Variants in LAMA2 observed in about 807,000 individuals in gnomAD.
The protein encoded by LAMA2 is laminin subunit alpha 2.
LAMA2 carries 269 observed loss-of-function variants against 364.8 expected under a neutral mutation model. That is an observed-to-expected ratio of 0.74 (90% CI 0.67 to 0.82). LAMA2 has a LOEUF of 0.82. Ranked by LOEUF, LAMA2 falls within the 40% of genes least tolerant of loss-of-function variation. The pLI is 0.00. For missense variants in LAMA2, 3,807 were observed against 3,873.2 expected (o/e 0.98, Z 0.45); for synonymous variants, 1,379 against 1,370.6 (o/e 1.01, Z -0.14).
At position 129,172,648 on chromosome 6, in the gene LAMA2, G is replaced by C. The variant is rs568334668; in HGVS notation, c.1307-5058G>C. 6.8e-3 allele frequency among the ~76,000 whole-genome samples: 1,034 copies of C among 152,370 alleles called. 8 individuals carry two copies. The highest frequency in any genetic ancestry group is 0.024 in the African/African-American group (993 of 41,602). On this transcript the variant is annotated intron_variant, in intron 9 of 64. Coordinates refer to ENST00000421865, the MANE Select transcript of LAMA2 (RefSeq NM_000426.4). ...TTTGTTTGTCTGTGCCCTGCCCCCAGAGGTGGAGCCTACAGAGGCAGGCAG... is the reference window on the plus strand; with the variant it reads ...TTTGTTTGTCTGTGCCCTGCCCCCACAGGTGGAGCCTACAGAGGCAGGCAG...
chr6:129,449,943 C>T (rs1310893034), intron 45 of LAMA2, among the ~76,000 whole-genome samples: 2 of 151,822 alleles, frequency 1.3e-5, no homozygotes, highest in African/African-American at 4.8e-5. Flanking sequence ...GCTGGGACTA[C>T]AGGCACATGT....
intron 9 of LAMA2, among the ~76,000 whole-genome samples, chr6:129,171,862 C>A (rs1287653508): frequency 9.6e-6 from 1 of 104,108 alleles, no homozygotes; most frequent in South Asian, 4.0e-4. Flanking sequence ...TTCTTGGAGG[C>A]TTTGCTCATT....
intron 40 of LAMA2, among the ~76,000 whole-genome samples, chr6:129,405,152 T>G (rs140290219): frequency 1.7e-3 from 261 of 152,250 alleles, no homozygotes; most frequent in African/African-American, 5.9e-3. Context: ...AATTTCAAGT[T>G]CACCATTTTC....
chr6:129,423,011 C>T (rs889571755), intron 40 of LAMA2, among the ~76,000 whole-genome samples: 7 of 151,838 alleles, frequency 4.6e-5, no homozygotes, highest in African/African-American at 1.7e-4. Flanking sequence ...GATATTAATG[C>T]CAGGATGTAA....
At chr6:129,329,565 T>C (rs1583506946) in intron 29 of LAMA2, among the ~76,000 whole-genome samples, 1 of 152,092 alleles carries the variant, frequency 6.6e-6, no homozygotes, top group Admixed American at 6.5e-5. Flanking sequence ...TTTCACCATG[T>C]TGTCTAGGCT....
chr6:129,239,495 C>A (rs1053687203), intron 12 of LAMA2, among the ~76,000 whole-genome samples: 2 of 152,134 alleles, frequency 1.3e-5, no homozygotes, highest in Admixed American at 1.3e-4. Flanking sequence ...ATTTAAATAA[C>A]CCACTGTTAA....
Position 129,154,678 on chromosome 6 carries a change from A to G in LAMA2, c.1201A>G (p.Lys401Glu). The G allele has an allele frequency of 6.2e-7, 1 of 1,613,074 alleles. No homozygotes were observed. Among genetic ancestry groups the G allele is most frequent in the Non-Finnish European group, 8.5e-7 (1 of 1,179,128 alleles). Residue 401 changes from lysine (K) to glutamate (E), a missense_variant, in exon 8 of 65, where the codon AAA (lysine) becomes GAA (glutamate). By Grantham distance (56) the Lys-to-Glu change is moderately conservative. Transcript: ENST00000421865. ...ETCTDGFFRP[K>E]GVSPNYPRPC... ...ATGTACTGATGGCTTCTTCAGACCC[A>G]AAGGGGTAAAGTATGCTTTTTCTTT...
chr6:129,370,939 C>G (rs1778038040), intron 34 of LAMA2, among the ~76,000 whole-genome samples: 1 of 152,138 alleles, frequency 6.6e-6, no homozygotes. Context: ...AACAACGGCC[C>G]TGATGTTACA....
intron 58 of LAMA2, among the ~76,000 whole-genome samples, chr6:129,492,827 G>A (rs1266316996): frequency 6.6e-6 from 1 of 152,166 alleles, no homozygotes; most frequent in African/African-American, 2.4e-5. Context: ...ACAATTTGGT[G>A]TCCTGTTTTT....
Position 129,402,458 on chromosome 6 carries a change from G to C in LAMA2, c.5697G>C (p.Gln1899His), listed in dbSNP as rs748011930. The C allele has an allele frequency of 8.1e-6, 13 of 1,614,050 alleles. No individual in the cohort carries two copies. Among genetic ancestry groups the C allele is most frequent in the Non-Finnish European group, 1.0e-5 (12 of 1,180,032 alleles). ...KVSQAESHAA[Q>H]LNDSSAVLDG... ...CCCAGGCTGAGAGCCACGCAGCTCA[G>C]TTGAATGACTCATCTGCTGTCCTTG... The change falls in exon 39 of 65, where the codon CAG becomes CAC. Residue 1899 changes from glutamine (Q) to histidine (H), a missense_variant. Physicochemically the swap from Gln to His is conservative, Grantham distance 24 (BLOSUM62 0). Transcript: ENST00000421865.
intron 1 of LAMA2, among the ~76,000 whole-genome samples, chr6:129,007,816 C>T (rs926369950): frequency 1.3e-5 from 2 of 152,110 alleles, no homozygotes; most frequent in African/African-American, 4.8e-5. Context: ...AATACAGGAA[C>T]ACACTGTATT....
intron 1 of LAMA2, among the ~76,000 whole-genome samples, chr6:128,953,542 A>AAAACAC (rs1173230302): frequency 6.6e-6 from 1 of 151,652 alleles, no homozygotes; most frequent in Non-Finnish European, 1.5e-5. Context: ...AACAAAAACA[A>AAAACAC]AACCTATGTC....
At chr6:129,371,174 T>A (rs1729891087) in intron 34 of LAMA2, among the ~76,000 whole-genome samples, 1 of 152,068 alleles carries the variant, frequency 6.6e-6, no homozygotes, top group African/African-American at 2.4e-5. Context: ...GTTCATAACA[T>A]ACAAAGCCTA....
Position 128,951,086 on chromosome 6 carries a change from A to G in LAMA2, c.112+67729A>G, listed in dbSNP as rs1285502210. Among the ~76,000 whole-genome samples, 5 of 152,114 alleles carry G rather than the reference A, an allele frequency of 3.3e-5. No individual in the cohort carries two copies. The South Asian group carries it at 1.0e-3, about 32-fold the overall frequency. On this transcript the variant is annotated intron_variant, in intron 1 of 64. Transcript: ENST00000421865. ...GAGTCAGCAAATTCTTTCAACAATA[A>G]TGTGATTGTATTTGTCTGTGTGAGA... is the stretch of plus-strand genomic sequence containing the variant.
chr6:129,028,818 T>C (rs559151487), intron 1 of LAMA2, among the ~76,000 whole-genome samples: 38 of 152,020 alleles, frequency 2.5e-4, no homozygotes, highest in African/African-American at 9.1e-4. Context: ...AACCCTTTAT[T>C]ATTTTAATAT....
intron 1 of LAMA2, among the ~76,000 whole-genome samples, chr6:128,910,972 C>A (rs1201665645): frequency 6.6e-6 from 1 of 151,226 alleles, no homozygotes; most frequent in Non-Finnish European, 1.5e-5. Flanking sequence ...CAGGGACCCA[C>A]TTGAGGAGGC....
chr6:129,014,566 C>T (rs1784964020), intron 1 of LAMA2, among the ~76,000 whole-genome samples: 1 of 152,120 alleles, frequency 6.6e-6, no homozygotes, highest in Non-Finnish European at 1.5e-5. Flanking sequence ...CCCCTAGTTA[C>T]ATTTTCTGTG....
chr6:129,510,027 T>A (rs1385194317), intron 62 of LAMA2, among the ~76,000 whole-genome samples: 1 of 152,080 alleles, frequency 6.6e-6, no homozygotes, highest in African/African-American at 2.4e-5. Flanking sequence ...CATTGTTTTA[T>A]AGTTTTTATT....
At chr6:129,450,903 T>C (rs1782644101) in intron 45 of LAMA2, among the ~76,000 whole-genome samples, 1 of 152,210 alleles carries the variant, frequency 6.6e-6, no homozygotes, top group African/African-American at 2.4e-5. Flanking sequence ...CCTCAGATAT[T>C]AAATTTTCTC....
Sources: gnomAD v4.1 joint callset for allele counts (sites outside exome capture counted in the v4.1 genomes callset) on GRCh38, gnomAD v4.1.1 for gene constraint, MANE v1.5 for transcripts, NCBI Gene and HGNC (gene_info 2026-07-23, HGNC 2026-07-21) for gene names.